Variants in CLSTN2 observed in about 807,000 individuals in gnomAD.
The protein encoded by CLSTN2 is calsyntenin 2.
CLSTN2 carries 48 observed loss-of-function variants against 101.2 expected under a neutral mutation model. The observed-to-expected ratio is 0.47, with a 90% CI of 0.38 to 0.60. The LOEUF is 0.60. Among genes scored for constraint, CLSTN2 ranks in the 20% least tolerant of loss-of-function variants. The pLI, the probability that CLSTN2 is intolerant of heterozygous loss-of-function variation, is 0.00. For synonymous variants in CLSTN2, 481 were observed against 463.6 expected, an observed-to-expected ratio of 1.04 and a Z score of -0.48; for missense variants, 1,160 against 1,238.2, an observed-to-expected ratio of 0.94 and a Z score of 0.95.
At chr3:140,121,382 G>C (rs2009338464) in intron 1 of CLSTN2, among the ~76,000 whole-genome samples, 1 of 152,132 alleles carries the variant, frequency 6.6e-6, no homozygotes, top group Non-Finnish European at 1.5e-5. Context: ...AAGAGACAAG[G>C]GAGTTTTCTG....
intron 2 of CLSTN2, among the ~76,000 whole-genome samples, chr3:140,208,658 G>C (rs1249047475): frequency 6.6e-6 from 1 of 152,122 alleles, no homozygotes; most frequent in Admixed American, 6.5e-5. Flanking sequence ...TTCAGCACCT[G>C]TGCACCACCA....
intron 2 of CLSTN2, among the ~76,000 whole-genome samples, chr3:140,389,248 A>G (rs909741911): frequency 2.0e-5 from 3 of 152,152 alleles, no homozygotes; most frequent in African/African-American, 7.2e-5. Flanking sequence ...CCCAGGTATT[A>G]AGCCCCACAT....
At chr3:140,185,673 G>A (rs1236601472) in intron 2 of CLSTN2, among the ~76,000 whole-genome samples, 1 of 152,096 alleles carries the variant, frequency 6.6e-6, no homozygotes, top group Non-Finnish European at 1.5e-5. Flanking sequence ...AAAAGGATGG[G>A]GGTGCAGGGC....
intron 8 of CLSTN2, among the ~76,000 whole-genome samples, chr3:140,478,633 A>G (rs1309550423): frequency 6.6e-6 from 1 of 152,234 alleles, no homozygotes; most frequent in African/African-American, 2.4e-5. Context: ...GATAATGGAA[A>G]TGTTCTAAAA....
At chr3:140,314,329 T>C (rs2087206556) in intron 2 of CLSTN2, among the ~76,000 whole-genome samples, 1 of 152,188 alleles carries the variant, frequency 6.6e-6, no homozygotes, top group African/African-American at 2.4e-5. Flanking sequence ...TTGTTTCTAT[T>C]ATCATGGTTT....
intron 2 of CLSTN2, among the ~76,000 whole-genome samples, chr3:140,360,466 G>T (rs1411781117): frequency 6.6e-6 from 1 of 152,200 alleles, no homozygotes; most frequent in Non-Finnish European, 1.5e-5. Flanking sequence ...ATCAAGAAAG[G>T]TCTCTCAAAG....
Position 139,935,388 on chromosome 3 carries a change from G to A in CLSTN2, c.14G>A (p.Arg5Gln). Reference sequence around the variant, plus strand: ...GCTGCTGCGAGGATGCTGCCTGGGCGGCTGTGCTGGGTGCCGCTCCTGCTG... The same window carrying A: ...GCTGCTGCGAGGATGCTGCCTGGGCAGCTGTGCTGGGTGCCGCTCCTGCTG... MLPG[R>Q]LCWVPLLLAL... The change falls in exon 1 of 17, where the codon CGG becomes CAG. Residue 5 changes from arginine to glutamine, a missense_variant. Coordinates refer to ENST00000458420, the MANE Select transcript of CLSTN2 (RefSeq NM_022131.3). This position sits in a 1 kb window ranked among gnomAD's most constrained non-coding sequence, Gnocchi z 5.5. The A allele has an allele frequency of 8.1e-7, 1 of 1,229,882 alleles. No homozygotes were observed. Among genetic ancestry groups the A allele is most frequent in the Non-Finnish European group, 1.0e-6 (1 of 986,436 alleles). 76.2% of individuals were successfully genotyped at this position (1,229,882 alleles called of 1,614,324 possible).
At chr3:140,466,039 G>A (rs780447633) in intron 7 of CLSTN2, among the ~76,000 whole-genome samples, 1 of 152,116 alleles carries the variant, frequency 6.6e-6, no homozygotes, top group Non-Finnish European at 1.5e-5. Flanking sequence ...GGGGATGTTG[G>A]AGTCACAAAA....
chr3:140,097,227 A>G (rs1272592183), intron 1 of CLSTN2, among the ~76,000 whole-genome samples: 2 of 152,192 alleles, frequency 1.3e-5, no homozygotes, highest in African/African-American at 2.4e-5. Flanking sequence ...GCTGAGCCTC[A>G]GAGGGTTTGG....
intron 1 of CLSTN2, among the ~76,000 whole-genome samples, chr3:140,166,553 A>G (rs943707882): frequency 6.6e-6 from 1 of 152,178 alleles, no homozygotes; most frequent in African/African-American, 2.4e-5. Context: ...TAAAGATTCA[A>G]AAGGTAAATC....
intron 2 of CLSTN2, among the ~76,000 whole-genome samples, chr3:140,286,741 C>T (rs538364180): frequency 6.6e-6 from 1 of 152,292 alleles, no homozygotes; most frequent in Non-Finnish European, 1.5e-5. Flanking sequence ...CTCCACTTCA[C>T]ATGCTGTGTT....
intron 10 of CLSTN2, among the ~76,000 whole-genome samples, chr3:140,549,378 A>G (rs2107788109): frequency 6.6e-6 from 1 of 151,802 alleles, no homozygotes; most frequent in Admixed American, 6.6e-5. Flanking sequence ...GAGGAGGCTA[A>G]TCTGATTTTT....
At chr3:140,411,438 A>G (rs960170313) in intron 4 of CLSTN2, among the ~76,000 whole-genome samples, 1 of 152,280 alleles carries the variant, frequency 6.6e-6, no homozygotes, top group Non-Finnish European at 1.5e-5. Context: ...GTAAATATGA[A>G]CAAATCTGAA....
intron 1 of CLSTN2, among the ~76,000 whole-genome samples, chr3:140,068,276 T>C (rs2107775704): frequency 6.6e-6 from 1 of 152,350 alleles, no homozygotes; most frequent in Non-Finnish European, 1.5e-5. Flanking sequence ...CTACCATTTA[T>C]AAGCTCCACA....
intron 2 of CLSTN2, among the ~76,000 whole-genome samples, chr3:140,188,703 A>T (rs556820618): frequency 3.0e-4 from 46 of 152,348 alleles, no homozygotes; most frequent in Admixed American, 1.4e-3. Flanking sequence ...GTTGTTTTTT[A>T]AAAAATTAAA....
At chr3:140,112,254 C>A (rs576027152) in intron 1 of CLSTN2, among the ~76,000 whole-genome samples, 1 of 152,256 alleles carries the variant, frequency 6.6e-6, no homozygotes, top group Non-Finnish European at 1.5e-5. Flanking sequence ...TACTTGTCTT[C>A]TAAGCGATTT....
intron 2 of CLSTN2, among the ~76,000 whole-genome samples, chr3:140,395,744 T>C (rs2088175139): frequency 6.6e-6 from 1 of 151,758 alleles, no homozygotes; most frequent in African/African-American, 2.4e-5. Context: ...ACTTTTCCTT[T>C]CCTGTCTTAT....
chr3:140,087,090 GT>G, intron 1 of CLSTN2, among the ~76,000 whole-genome samples: 1 of 152,154 alleles, frequency 6.6e-6, no homozygotes, highest in Non-Finnish European at 1.5e-5. Context: ...TTTGGTGGAG[GT>G]TTTTTTAATG....
chr3:139,943,640 A>G (rs1935170685), intron 1 of CLSTN2, among the ~76,000 whole-genome samples: 1 of 152,160 alleles, frequency 6.6e-6, no homozygotes, highest in Non-Finnish European at 1.5e-5. Context: ...TATTCATGCC[A>G]CATTCTGTAG....
Sources: allele counts gnomAD v4.1 joint callset (sites outside exome capture counted in the v4.1 genomes callset), GRCh38; gene constraint gnomAD v4.1.1; non-coding constraint Gnocchi (gnomAD v3.1); transcripts MANE v1.5; gene names NCBI Gene and HGNC (gene_info 2026-07-23, HGNC 2026-07-21).